The following FSTL4 variants were observed in gnomAD, a reference collection of about 807,000 sequenced individuals.
FSTL4 encodes the protein follistatin-related protein 4.
A neutral mutation model predicts 78.2 loss-of-function variants in FSTL4; 28 were observed. That is an observed-to-expected ratio of 0.36 (90% CI 0.27 to 0.49). FSTL4 has a LOEUF of 0.49. FSTL4 is among the 20% of genes least tolerant of loss of function. The pLI, the probability that FSTL4 is intolerant of heterozygous loss-of-function variation, is 0.98. For synonymous variants in FSTL4, 422 were observed against 440.5 expected, an observed-to-expected ratio of 0.96 and a Z score of 0.53; for missense variants, 922 against 1,084.9, an observed-to-expected ratio of 0.85 and a Z score of 2.11.
the FSTL4 span, among the ~76,000 whole-genome samples, chr5:133,705,690 T>C: frequency 2.6e-5 from 4 of 152,300 alleles, no homozygotes; most frequent in Admixed American, 6.5e-5. Context: ...AGAACCCCAG[T>C]ACCTGCGTGA....
chr5:133,717,796 T>C, the FSTL4 span, among the ~76,000 whole-genome samples: 1 of 152,238 alleles, frequency 6.6e-6, no homozygotes, highest in Non-Finnish European at 1.5e-5. Flanking sequence ...ATCATGCAGA[T>C]ACACCATACT....
At chr5:133,391,829 G>C (rs1755858278) in intron 4 of FSTL4, among the ~76,000 whole-genome samples, 1 of 152,144 alleles carries the variant, frequency 6.6e-6, no homozygotes, top group South Asian at 2.1e-4. Flanking sequence ...TCATATCAGA[G>C]GCTCTGGCTA....
At chr5:133,377,856 A>G (rs917487227) in intron 4 of FSTL4, among the ~76,000 whole-genome samples, 2 of 152,196 alleles carry the variant, frequency 1.3e-5, no homozygotes, top group Non-Finnish European at 2.9e-5. Context: ...CTAAAAATAT[A>G]GAAAACAAAG....
the FSTL4 span, among the ~76,000 whole-genome samples, chr5:133,703,912 T>C: frequency 6.6e-6 from 1 of 152,142 alleles, no homozygotes; most frequent in African/African-American, 2.4e-5. Context: ...CAAAGCTTGA[T>C]TTTCATTTCG....
intron 3 of FSTL4, among the ~76,000 whole-genome samples, chr5:133,476,535 T>C (rs1279567645): frequency 2.0e-5 from 3 of 152,208 alleles, no homozygotes; most frequent in East Asian, 3.9e-4. Flanking sequence ...TCATGCATGA[T>C]GGGAAAGCTA....
chr5:133,769,353 A>G, the FSTL4 span, among the ~76,000 whole-genome samples: 3 of 152,208 alleles, frequency 2.0e-5, no homozygotes, highest in African/African-American at 7.2e-5. Context: ...TGGTCTCATC[A>G]TGGCTCTGAC....
chr5:133,797,454 A>G, the FSTL4 span, among the ~76,000 whole-genome samples: 1 of 152,246 alleles, frequency 6.6e-6, no homozygotes, highest in Admixed American at 6.5e-5. Flanking sequence ...TGTTGTTTAA[A>G]ATTTGGCATT....
intron 6 of FSTL4, among the ~76,000 whole-genome samples, chr5:133,267,320 T>C (rs1752666074): frequency 6.6e-6 from 1 of 152,050 alleles, no homozygotes; most frequent in South Asian, 2.1e-4. Context: ...GAGCCCTGGC[T>C]TAGGAGGGCC....
At chr5:133,746,024 C>A in the FSTL4 span, among the ~76,000 whole-genome samples, 44 of 152,306 alleles carry the variant, frequency 2.9e-4, no homozygotes, top group African/African-American at 1.0e-3. Flanking sequence ...GACTCATTTT[C>A]AAAGCCTAGA....
chr5:133,761,410 C>A, the FSTL4 span, among the ~76,000 whole-genome samples: 3 of 152,196 alleles, frequency 2.0e-5, no homozygotes, highest in African/African-American at 7.2e-5. Flanking sequence ...AATCTCCAAG[C>A]TCCAACCAAT....
At chr5:133,546,500 T>C (rs1205530102) in intron 3 of FSTL4, among the ~76,000 whole-genome samples, 5 of 112,072 alleles carry the variant, frequency 4.5e-5, no homozygotes, top group African/African-American at 1.9e-4. Context: ...AGCGAGACTT[T>C]GTCTCAAAAA....
chr5:133,687,605 G>A, the FSTL4 span, among the ~76,000 whole-genome samples: 5 of 152,188 alleles, frequency 3.3e-5, no homozygotes, highest in African/African-American at 1.2e-4. Flanking sequence ...ACTCACTAAG[G>A]AATGCCTCCA....
the FSTL4 span, among the ~76,000 whole-genome samples, chr5:133,632,687 T>G: frequency 6.6e-6 from 1 of 151,726 alleles, no homozygotes; most frequent in Non-Finnish European, 1.5e-5. Context: ...TTGTTTTTTT[T>G]GTTGTTGTTT....
intron 4 of FSTL4, among the ~76,000 whole-genome samples, chr5:133,393,256 C>T (rs1401144011): frequency 7.2e-5 from 11 of 152,160 alleles, no homozygotes; most frequent in African/African-American, 2.7e-4. Flanking sequence ...CCCGTTTGTC[C>T]TTGAGGTCTT....
intron 3 of FSTL4, among the ~76,000 whole-genome samples, chr5:133,468,590 C>T (rs927696366): frequency 1.3e-5 from 2 of 152,226 alleles, no homozygotes; most frequent in Non-Finnish European, 2.9e-5. Context: ...TTTTCTCCCT[C>T]TAGCCATGTC....
chr5:133,580,586 C>A (rs560998771), intron 2 of FSTL4, among the ~76,000 whole-genome samples: 1 of 152,312 alleles, frequency 6.6e-6, no homozygotes, highest in South Asian at 2.1e-4. Context: ...GGATAGACTG[C>A]CACAGGGGAA....
the FSTL4 span, among the ~76,000 whole-genome samples, chr5:133,809,873 A>G: frequency 6.6e-6 from 1 of 152,224 alleles, no homozygotes; most frequent in Non-Finnish European, 1.5e-5. Context: ...GTCCAGAGAC[A>G]TTAATTGAGC....
intron 6 of FSTL4, among the ~76,000 whole-genome samples, chr5:133,270,709 T>C (rs569393328): frequency 1.1e-4 from 16 of 152,192 alleles, no homozygotes; most frequent in Non-Finnish European, 2.2e-4. Flanking sequence ...AGGGTCTGAC[T>C]CTTGCATTTC....
the FSTL4 span, among the ~76,000 whole-genome samples, chr5:133,652,050 C>T: frequency 4.6e-5 from 7 of 152,160 alleles, no homozygotes; most frequent in East Asian, 1.4e-3. Context: ...TAGAGTTGTT[C>T]ATAGTATTCC....
Sources: gnomAD v4.1 joint callset for allele counts (sites outside exome capture counted in the v4.1 genomes callset) on GRCh38, gnomAD v4.1.1 for gene constraint, MANE v1.5 for transcripts, NCBI Gene and HGNC (gene_info 2026-07-23, HGNC 2026-07-21) for gene names.